DPP10: variants seen among roughly 807,000 people sequenced by gnomAD.
DPP10 encodes the protein inactive dipeptidyl peptidase 10.
DPP10 carries 33 observed loss-of-function variants against 120.9 expected under a neutral mutation model. The ratio of observed to expected loss-of-function variants is 0.27; its 90% CI spans 0.21 to 0.37. The LOEUF (loss-of-function observed/expected upper bound fraction) is 0.37. Ranked by LOEUF, DPP10 falls within the 10% of genes least tolerant of loss-of-function variation. The probability of loss-of-function intolerance (pLI) is 1.00; values close to 1 mark genes in which losing one functional copy is unlikely to be tolerated. For missense variants in DPP10, 816 were observed against 942.8 expected (o/e 0.87, Z 1.76); for synonymous variants, 337 against 326.1 (o/e 1.03, Z -0.36).
At position 115,636,910 on chromosome 2, in the gene DPP10, G is replaced by C. The variant is rs139222405; in HGVS notation, c.442-52777G>C. On this transcript the variant is annotated intron_variant, in intron 5 of 25. Transcript: ENST00000410059. ...AATCTTAAGAGATTTTAGAAGAAAG[G>C]CAGTCTACAGAAGACAAGCAATTTA... Among the ~76,000 whole-genome samples the C allele has an allele frequency of 4.5e-4, 69 of 152,182 alleles. 1 individual carries two copies. The highest frequency in any genetic ancestry group is 7.8e-4 in the Admixed American group (12 of 15,288).
chr2:115,172,553 G>A (rs747042014), intron 1 of DPP10, among the ~76,000 whole-genome samples: 3 of 151,966 alleles, frequency 2.0e-5, no homozygotes, highest in Non-Finnish European at 4.4e-5. Flanking sequence ...ATAGACCCAG[G>A]GATTTCTACT....
intron 1 of DPP10, among the ~76,000 whole-genome samples, chr2:115,087,014 A>AT (rs1418382119): frequency 8.5e-5 from 13 of 152,200 alleles, no homozygotes; most frequent in Admixed American, 4.6e-4. Context: ...AGAGTGTGTG[A>AT]TATTTTCTAA....
At chr2:114,597,716 A>T (rs1253897796) in intron 1 of DPP10, among the ~76,000 whole-genome samples, 1 of 151,836 alleles carries the variant, frequency 6.6e-6, no homozygotes, top group East Asian at 1.9e-4. Flanking sequence ...GGTAGAGAAA[A>T]GTGTTTGTAG....
intron 1 of DPP10, among the ~76,000 whole-genome samples, chr2:114,895,179 A>C (rs1445345173): frequency 6.6e-6 from 1 of 152,244 alleles, no homozygotes. Context: ...AGGGACTGAA[A>C]ATGACAACTA....
At chr2:114,712,979 T>C (rs1701120464) in intron 1 of DPP10, among the ~76,000 whole-genome samples, 1 of 150,424 alleles carries the variant, frequency 6.6e-6, no homozygotes. Flanking sequence ...ATAAATAATT[T>C]TGTAACCAAA....
chr2:115,064,751 C>T (rs1487365374), intron 1 of DPP10: 1 of 1,304,150 alleles, frequency 7.7e-7, no homozygotes, highest in Non-Finnish European at 1.0e-6. Flanking sequence ...TTATAGTCCA[C>T]TTAGCAATGG....
chr2:115,775,689 G>A (rs1416649065), intron 13 of DPP10, among the ~76,000 whole-genome samples: 1 of 151,970 alleles, frequency 6.6e-6, no homozygotes, highest in Non-Finnish European at 1.5e-5. Flanking sequence ...TATGACATGG[G>A]TATCATCTTG....
At chr2:114,768,207 T>C (rs1680917193) in intron 1 of DPP10, among the ~76,000 whole-genome samples, 1 of 146,354 alleles carries the variant, frequency 6.8e-6, no homozygotes, top group Admixed American at 6.8e-5. Context: ...GAGATTGATA[T>C]AAAGACATTT....
intron 5 of DPP10, among the ~76,000 whole-genome samples, chr2:115,613,167 T>C (rs1172261690): frequency 6.6e-6 from 1 of 152,190 alleles, no homozygotes. Context: ...GATGCTTGGA[T>C]GCTATTTTTA....
intron 1 of DPP10, among the ~76,000 whole-genome samples, chr2:114,770,975 T>G (rs894952003): frequency 6.6e-6 from 1 of 152,236 alleles, no homozygotes; most frequent in Non-Finnish European, 1.5e-5. Flanking sequence ...AAAGGTTTTA[T>G]TGTCAGATAC....
intron 7 of DPP10, among the ~76,000 whole-genome samples, chr2:115,705,831 A>G (rs934876185): frequency 6.6e-6 from 1 of 151,846 alleles, no homozygotes; most frequent in African/African-American, 2.4e-5. Flanking sequence ...CTCCCTTACC[A>G]CATTGTAGTA....
At chr2:115,839,457 C>T (rs1297460162) in intron 24 of DPP10, among the ~76,000 whole-genome samples, 1 of 151,978 alleles carries the variant, frequency 6.6e-6, no homozygotes. Context: ...AGGCAGCTCA[C>T]GAGGTCAGGA....
intron 1 of DPP10, among the ~76,000 whole-genome samples, chr2:114,468,035 T>C (rs1316787752): frequency 6.6e-6 from 1 of 152,088 alleles, no homozygotes; most frequent in Admixed American, 6.6e-5. Flanking sequence ...ATAATAATAA[T>C]GGTAATAGTA....
chr2:115,791,440 AAGAAG>A, intron 19 of DPP10, 84 bp downstream of exon 19: 3 of 1,207,252 alleles, frequency 2.5e-6, no homozygotes, highest in East Asian at 2.5e-5. Context: ...TGATTCAATA[AAGAAG>A]AGAAGTCCTA....
intron 3 of DPP10, among the ~76,000 whole-genome samples, chr2:115,382,716 A>T (rs1363748286): frequency 6.6e-6 from 1 of 152,238 alleles, no homozygotes; most frequent in Non-Finnish European, 1.5e-5. Flanking sequence ...GGATGTATAA[A>T]AAAAGAGCTG....
chr2:114,630,141 G>T (rs1694814974), intron 1 of DPP10, among the ~76,000 whole-genome samples: 1 of 151,938 alleles, frequency 6.6e-6, no homozygotes, highest in Non-Finnish European at 1.5e-5. Flanking sequence ...TCTCTCTCTA[G>T]TGCTCTATAT....
At chr2:114,461,257 G>A (rs554154601) in intron 1 of DPP10, among the ~76,000 whole-genome samples, 31 of 152,210 alleles carry the variant, frequency 2.0e-4, no homozygotes, top group African/African-American at 6.7e-4. Context: ...CTACCCCTGC[G>A]AGCCCCCATT....
At chr2:114,599,597 C>G (rs1692202363) in intron 1 of DPP10, among the ~76,000 whole-genome samples, 1 of 151,452 alleles carries the variant, frequency 6.6e-6, no homozygotes, top group Non-Finnish European at 1.5e-5. Flanking sequence ...ACTAAGTATA[C>G]CATATTTTTT....
At chr2:115,384,416 GAAGAA>G (rs2066698614) in intron 3 of DPP10, among the ~76,000 whole-genome samples, 1 of 149,358 alleles carries the variant, frequency 6.7e-6, no homozygotes, top group Non-Finnish European at 1.5e-5. Flanking sequence ...AGGAGAAGAA[GAAGAA>G]GAAGAAGGAG....
Sources: allele counts gnomAD v4.1 joint callset (sites outside exome capture counted in the v4.1 genomes callset), GRCh38; gene constraint gnomAD v4.1.1; transcripts MANE v1.5; gene names NCBI Gene and HGNC (gene_info 2026-07-23, HGNC 2026-07-21).